The following PHACTR3 variants were observed in gnomAD, a reference collection of about 807,000 sequenced individuals.
PHACTR3 encodes phosphatase and actin regulator 3, also known as protein phosphatase 1, regulatory subunit 123.
Under a neutral mutation model 66.8 loss-of-function variants are expected in PHACTR3, and 16 were observed. The observed-to-expected ratio is 0.24, with a 90% CI of 0.16 to 0.36. The LOEUF (loss-of-function observed/expected upper bound fraction) is 0.36, where lower values mean the gene tolerates loss of function less well. Among genes scored for constraint, PHACTR3 ranks in the 10% least tolerant of loss-of-function variants. PHACTR3 has a pLI of 1.00. For missense variants in PHACTR3, 647 were observed against 719.9 expected, an observed-to-expected ratio of 0.90 and a Z score of 1.16; for synonymous variants, 323 against 292.1, an observed-to-expected ratio of 1.11 and a Z score of -1.08.
At chr20:59,579,276 C>T (rs534004119) in intron 1 of PHACTR3, among the ~76,000 whole-genome samples, 11 of 152,224 alleles carry the variant, frequency 7.2e-5, no homozygotes, top group Non-Finnish European at 1.2e-4. Flanking sequence ...AATAGTTCTG[C>T]GGCCTCTGTC....
intron 7 of PHACTR3, among the ~76,000 whole-genome samples, chr20:59,802,564 G>A (rs2041443758): frequency 6.6e-6 from 1 of 152,190 alleles, no homozygotes; most frequent in South Asian, 2.1e-4. Context: ...GACCTGATGA[G>A]ACCGGGGCTA....
At chr20:59,680,877 G>T (rs1027717225) in intron 1 of PHACTR3, among the ~76,000 whole-genome samples, 9 of 152,128 alleles carry the variant, frequency 5.9e-5, no homozygotes, top group African/African-American at 2.2e-4. Flanking sequence ...CAGATCTCTG[G>T]GTGGGCCACT....
intron 8 of PHACTR3, among the ~76,000 whole-genome samples, chr20:59,821,971 TTCTGCAGCGA>T (rs2042042139): frequency 7.0e-6 from 1 of 143,184 alleles, no homozygotes; most frequent in South Asian, 2.4e-4. Flanking sequence ...ATCCTACCCT[TTCTGCAGCGA>T]TCCCACCCCT....
At chr20:59,634,257 A>G (rs1000796083) in intron 1 of PHACTR3, among the ~76,000 whole-genome samples, 2 of 152,186 alleles carry the variant, frequency 1.3e-5, no homozygotes, top group African/African-American at 4.8e-5. Context: ...CAGCCTCTGA[A>G]ATCAGGCGGA....
Position 59,738,756 on chromosome 20 carries a change from G to A in PHACTR3, c.119-4351G>A, listed in dbSNP as rs1248104726. Among the ~76,000 whole-genome samples the A allele has an allele frequency of 2.0e-5, 3 of 152,214 alleles. No homozygotes were observed. In the South Asian group the frequency reaches 6.2e-4, roughly 32 times the overall value. On this transcript the variant is annotated intron_variant, in intron 1 of 12. Transcript: ENST00000371015. The surrounding 1 kb of genome is among the most constrained non-coding windows in gnomAD (Gnocchi z 4.4). The stretch of plus-strand genomic sequence containing the variant: ...TCAGCTGTGTATGTGTGTTTCTGGT[G>A]ATTGCTGCCGATCCTTTGTGAAGGA...
rs527512886 is a variant in PHACTR3 at position 59,830,652 on chromosome 20, A to G, written c.1329-5853A>G. ...GACCTGGGCTCAGCACGCCAGGTGAATAATATCAGTGCTATAGTAGTAATG... is the reference window on the plus strand; with the variant it reads ...GACCTGGGCTCAGCACGCCAGGTGAGTAATATCAGTGCTATAGTAGTAATG... On this transcript the variant is annotated intron_variant, in intron 8 of 12. Coordinates refer to ENST00000371015, the MANE Select transcript of PHACTR3 (RefSeq NM_080672.5). This position sits in a 1 kb window ranked among gnomAD's most constrained non-coding sequence, Gnocchi z 5.8. 5.1e-4 allele frequency among the ~76,000 whole-genome samples: 77 copies of G among 152,272 alleles called. No individual in the cohort carries two copies. Among genetic ancestry groups the G allele is most frequent in the African/African-American group, 1.6e-3 (67 of 41,560 alleles).
chr20:59,653,278 G>A (rs1335135888), intron 1 of PHACTR3, among the ~76,000 whole-genome samples: 6 of 151,286 alleles, frequency 4.0e-5, no homozygotes, highest in South Asian at 2.1e-4. Flanking sequence ...TTCGCCTCCC[G>A]GGTTCAAGCG....
chr20:59,722,440 A>G (rs8118439), intron 1 of PHACTR3, among the ~76,000 whole-genome samples: 4,584 of 152,176 alleles, frequency 0.03, 243 homozygotes, highest in African/African-American at 0.1. Context: ...GGGCACGATC[A>G]GGGACTTCCC....
chr20:59,635,147 CTT>C (rs752492335), intron 1 of PHACTR3, among the ~76,000 whole-genome samples: 792 of 24,050 alleles, frequency 0.033, 18 homozygotes, highest in East Asian at 0.11. Flanking sequence ...TTCTTTCTTT[CTT>C]TTTCTTTCTT....
Position 59,604,901 on chromosome 20 carries a change from A to ATT in PHACTR3, c.-111_-110dup. 2.3e-6 allele frequency: 2 copies of ATT among 875,324 alleles called. No individual in the cohort carries two copies. Among genetic ancestry groups the ATT allele is most frequent in the Non-Finnish European group, 2.6e-6 (2 of 758,926 alleles). The allele number at this position is 875,324 out of a possible 1,614,324, so 54.2% of individuals were successfully genotyped here. A position where few individuals can be genotyped will look rare whatever the true frequency, so the allele number is the denominator to read the frequency against. On this transcript the variant is annotated 5_prime_UTR_variant, in exon 1 of 13. Transcript: ENST00000371015. ...CCTTTTTTTTTTTTTTTTTTTTTTAATTTTCTTTTTTAAAAAGACGCCCCC... is the reference window on the plus strand; with the variant it reads ...CCTTTTTTTTTTTTTTTTTTTTTTAATTTTTTCTTTTTTAAAAAGACGCCCCC...
At chr20:59,688,739 G>T (rs1259997340) in intron 1 of PHACTR3, among the ~76,000 whole-genome samples, 3 of 151,918 alleles carry the variant, frequency 2.0e-5, no homozygotes, top group African/African-American at 7.3e-5. Flanking sequence ...TCGTTGTTTG[G>T]AACACAGTGG....
At chr20:59,605,750 A>G (rs1041626423) in intron 1 of PHACTR3, among the ~76,000 whole-genome samples, 1 of 150,680 alleles carries the variant, frequency 6.6e-6, no homozygotes, top group African/African-American at 2.4e-5. Flanking sequence ...TTCCACCCCC[A>G]TGGCAGCGTT....
chr20:59,828,422 A>C (rs2042254652), intron 8 of PHACTR3, among the ~76,000 whole-genome samples: 2 of 152,238 alleles, frequency 1.3e-5, no homozygotes, highest in Admixed American at 6.5e-5. Flanking sequence ...CATGCCTGGC[A>C]CTTACTTACC....
At chr20:59,641,499 A>ATTCT (rs1356683197) in intron 1 of PHACTR3, among the ~76,000 whole-genome samples, 1 of 152,214 alleles carries the variant, frequency 6.6e-6, no homozygotes, top group East Asian at 1.9e-4. Context: ...GATAGAGAGA[A>ATTCT]TTCTTTCTTA....
At chr20:59,636,473 G>A (rs1293320877) in intron 1 of PHACTR3, among the ~76,000 whole-genome samples, 1 of 152,218 alleles carries the variant, frequency 6.6e-6, no homozygotes, top group African/African-American at 2.4e-5. Flanking sequence ...AACAGAGCAT[G>A]TGGCCACCTG....
rs1162618638 is a variant in PHACTR3 at position 59,738,744 on chromosome 20, T to G, written c.119-4363T>G. Among the ~76,000 whole-genome samples, 1 of 152,062 alleles carries G rather than the reference T, an allele frequency of 6.6e-6. No individual in the cohort carries two copies. Among genetic ancestry groups the G allele is most frequent in the Non-Finnish European group, 1.5e-5 (1 of 68,002 alleles). ...TCCCTTCATCCTTCAGCTGTGTATG[T>G]GTGTTTCTGGTGATTGCTGCCGATC... On this transcript the variant is annotated intron_variant, in intron 1 of 12. Transcript: ENST00000371015. This position sits in a 1 kb window ranked among gnomAD's most constrained non-coding sequence, Gnocchi z 4.4.
At position 59,612,626 on chromosome 20, in the gene PHACTR3, C is replaced by T. The variant is rs192445798; in HGVS notation, c.118+7494C>T. Among the ~76,000 whole-genome samples the T allele has an allele frequency of 3.3e-5, 5 of 152,262 alleles. No homozygotes were observed. In the East Asian group the frequency reaches 7.7e-4, roughly 24 times the overall value. On this transcript the variant is annotated intron_variant, in intron 1 of 12. Transcript: ENST00000371015. ...GTCTTGAACTCTTGACCTTGTGATCCGCCCACTTTGGCCTCCCAAAGTGCT... is the reference window on the plus strand; with the variant it reads ...GTCTTGAACTCTTGACCTTGTGATCTGCCCACTTTGGCCTCCCAAAGTGCT...
intron 1 of PHACTR3, among the ~76,000 whole-genome samples, chr20:59,583,860 G>A (rs1303763165): frequency 6.6e-6 from 1 of 152,150 alleles, no homozygotes; most frequent in African/African-American, 2.4e-5. Context: ...GAGCAATGTC[G>A]ATTTTGCGTG....
At chr20:59,620,397 C>T (rs2034187556) in intron 1 of PHACTR3, among the ~76,000 whole-genome samples, 1 of 152,150 alleles carries the variant, frequency 6.6e-6, no homozygotes, top group African/African-American at 2.4e-5. Flanking sequence ...GCTTTTCTAT[C>T]CTGTGATCCA....
Sources: allele counts gnomAD v4.1 joint callset (sites outside exome capture counted in the v4.1 genomes callset), GRCh38; gene constraint gnomAD v4.1.1; non-coding constraint Gnocchi (gnomAD v3.1); transcripts MANE v1.5; gene names NCBI Gene and HGNC (gene_info 2026-07-23, HGNC 2026-07-21).